TADA1: variants seen among roughly 807,000 people sequenced by gnomAD.
The protein encoded by TADA1 is transcriptional adapter 1.
Under a neutral mutation model 39.3 loss-of-function variants are expected in TADA1, and 23 were observed. The ratio of observed to expected loss-of-function variants is 0.58; its 90% CI spans 0.42 to 0.83. TADA1 has a LOEUF of 0.83. Ranked by LOEUF, TADA1 falls within the 40% of genes least tolerant of loss-of-function variation. The pLI, the probability that TADA1 is intolerant of heterozygous loss-of-function variation, is 0.00. For synonymous variants in TADA1, 137 were observed against 151.8 expected (o/e 0.90, Z 0.72); for missense variants, 352 against 408.1 (o/e 0.86, Z 1.18).
intron 3 of TADA1, among the ~76,000 whole-genome samples, chr1:166,865,610 A>G (rs745460105): frequency 4.5e-4 from 69 of 152,094 alleles, no homozygotes; most frequent in Non-Finnish European, 8.8e-4. Flanking sequence ...TCAGGAGATC[A>G]AGACCATCCT....
At chr1:166,863,993 G>T in intron 3 of TADA1, 72 bp from the exon 4 acceptor site, 1 of 1,284,326 alleles carries the variant, frequency 7.8e-7, no homozygotes, top group Non-Finnish European at 1.1e-6. Context: ...GTTTTCATTT[G>T]GGGTAAAAAG....
chr1:166,858,277 G>A lies in TADA1; in HGVS notation c.697C>T (p.Pro233Ser), dbSNP rs1658329608. Residue 233 changes from proline to serine, a missense_variant, in exon 7 of 8, where the codon CCA becomes TCA. This residue lies in a region of TADA1 where 285 missense variants were observed against 310.9 expected (regional missense o/e 0.92). Transcript: ENST00000367874. ...VAYNNLIESP[P>S]AFTAPCAGQN... Reference sequence around the variant, plus strand: ...CCAGCACAGGGAGCAGTAAAAGCTGGAGGGCTGAAAATAAAAATTTCAGAA... The same window carrying A: ...CCAGCACAGGGAGCAGTAAAAGCTGAAGGGCTGAAAATAAAAATTTCAGAA... 2 of 1,542,960 alleles carry A rather than the reference G, an allele frequency of 1.3e-6. No individual in the cohort carries two copies. The highest frequency in any genetic ancestry group is 2.8e-5 in the African/African-American group (2 of 71,204).
At chr1:166,869,727 A>C (rs1293291947) in intron 2 of TADA1, 36 bp downstream of exon 2, 2 of 1,585,108 alleles carry the variant, frequency 1.3e-6, no homozygotes, top group Non-Finnish European at 8.6e-7. Flanking sequence ...GGAAAACTAC[A>C]GAATAGTAAA....
intron 4 of TADA1, 149 bp downstream of exon 4, chr1:166,863,675 C>G: frequency 1.4e-6 from 1 of 711,224 alleles, no homozygotes; most frequent in South Asian, 1.8e-5. Context: ...CTAGAACTCA[C>G]AATCCTTGAA....
rs781638956 is a variant in TADA1 at position 166,876,215 on chromosome 1, C to A, written c.19G>T (p.Glu7Ter). 6.2e-7 allele frequency: 1 copy of A among 1,613,672 alleles called. No individual in the cohort carries two copies. The highest frequency in any genetic ancestry group is 8.5e-7 in the Non-Finnish European group (1 of 1,179,880). MATFVS[E>*]LEAAKKNLSE... ...AAGTTCTTCTTGGCCGCCTCCAGCT[C>A]GCTCACAAAGGTCGCCATTGCTCCG... The change falls in exon 1 of 8, where the codon GAG becomes TAG. Residue 7 changes from glutamate (E) to a stop codon, truncating the protein, a stop_gained. Transcript: ENST00000367874. LOFTEE classifies it high-confidence loss of function.
chr1:166,857,342 C>A lies in TADA1; in HGVS notation c.*225G>T. 2.0e-6 allele frequency: 1 copy of A among 492,558 alleles called. No individual in the cohort carries two copies. Among genetic ancestry groups the A allele is most frequent in the Non-Finnish European group, 3.5e-6 (1 of 282,324 alleles). 30.5% of individuals were successfully genotyped at this position (492,558 alleles called of 1,614,324 possible). On this transcript the variant is annotated 3_prime_UTR_variant, in exon 8 of 8. Transcript: ENST00000367874. ...TTCCAGGCACAGGATTTCATTAGTG[C>A]CTGCTCCCACAACTGGGAACACATA...
In TADA1 at chr1:166,862,211, C is replaced by G. The variant is rs780442706; in HGVS notation, c.532G>C (p.Ala178Pro). 1 of 1,613,294 alleles carries G rather than the reference C, an allele frequency of 6.2e-7. No individual in the cohort carries two copies. The highest frequency in any genetic ancestry group is 1.7e-5 in the Admixed American group (1 of 60,016). The change falls in exon 5 of 8, where the codon GCT (alanine) becomes CCT (proline). Residue 178 changes from alanine (A) to proline (P), a missense_variant. Around this residue, in one of 3 missense-constraint regions of TADA1, gnomAD observed 285 missense variants for 310.9 expected, o/e 0.92. Coordinates refer to ENST00000367874, the MANE Select transcript of TADA1 (RefSeq NM_053053.4). ...GCCAACAGCAAACCAACCTCCACAG[C>G]ATAGACAACAGCTGAAACAGCCTCC... The part of the protein sequence containing the change: ...TEEAVSAVVY[A>P]VENHLKDILT...
At chr1:166,864,315 T>G (rs995705116) in intron 3 of TADA1, among the ~76,000 whole-genome samples, 1 of 152,148 alleles carries the variant, frequency 6.6e-6, no homozygotes, top group African/African-American at 2.4e-5. Flanking sequence ...AATGGCACAC[T>G]TGCACAACAG....
At position 166,876,259 on chromosome 1, in the gene TADA1, C is replaced by G. The variant is rs764917280; in HGVS notation, c.-26G>C. 1.2e-6 allele frequency: 2 copies of G among 1,607,850 alleles called. No homozygotes were observed. Among genetic ancestry groups the G allele is most frequent in the South Asian group, 1.1e-5 (1 of 89,862 alleles). ...TGCTCCGCGTGTCTCAGCCCGACCG[C>G]AGACCGCCCGGCCACCGCGATCAAC... is the stretch of plus-strand genomic sequence containing the variant. On this transcript the variant is annotated 5_prime_UTR_variant, in exon 1 of 8. Transcript: ENST00000367874.
intron 1 of TADA1, 105 bp downstream of exon 1, chr1:166,876,055 G>A (rs1376634661): frequency 4.3e-6 from 5 of 1,165,454 alleles, no homozygotes; most frequent in Middle Eastern, 2.8e-4. Flanking sequence ...ACTCCAGGCT[G>A]CACAGGCCCC....
Position 166,858,179 on chromosome 1 carries a change from T to C in TADA1, c.795A>G (p.Gly265=). ...QQAALLLACS[G]DTLPASLPPV... ...GAGGCAAAGATGCAGGTAGAGTGTCTCCGGAGCATGCCAGCAGGAGTGCAG... is the reference window on the plus strand; with the variant it reads ...GAGGCAAAGATGCAGGTAGAGTGTCCCCGGAGCATGCCAGCAGGAGTGCAG... The change falls in exon 7 of 8, where the codon GGA becomes GGG. Residue 265 remains glycine (G), a synonymous_variant. Transcript: ENST00000367874. The C allele has an allele frequency of 6.2e-7, 1 of 1,614,106 alleles. No individual in the cohort carries two copies. The highest frequency in any genetic ancestry group is 8.5e-7 in the Non-Finnish European group (1 of 1,180,004).
chr1:166,875,818 CAA>C (rs1658752227), intron 1 of TADA1, among the ~76,000 whole-genome samples: 2 of 152,256 alleles, frequency 1.3e-5, no homozygotes, highest in Admixed American at 1.3e-4. Context: ...TCACTCCGCC[CAA>C]GTCAGCCTCC....
intron 3 of TADA1, 144 bp downstream of exon 3, chr1:166,869,301 A>G (rs1658606094): frequency 2.4e-5 from 14 of 575,696 alleles, no homozygotes; most frequent in Non-Finnish European, 4.2e-5. Context: ...ATTCTGTAAA[A>G]GAATTTGTAT....
chr1:166,869,928 TAA>T, intron 1 of TADA1, 74 bp from the exon 2 acceptor site: 1 of 1,310,648 alleles, frequency 7.6e-7, no homozygotes, highest in South Asian at 1.2e-5. Context: ...TTTGTTTTTT[TAA>T]AGAGACGGGG....
rs56383249 is a variant in TADA1 at position 166,856,572 on chromosome 1, A to G, written c.*995T>C. ...CAAAATCAAATACACAGATCCAGATATGTGAACCATATATACATATCTATA... is the reference window on the plus strand; with the variant it reads ...CAAAATCAAATACACAGATCCAGATGTGTGAACCATATATACATATCTATA... On this transcript the variant is annotated 3_prime_UTR_variant, in exon 8 of 8. Transcript: ENST00000367874. 4,295 of 147,438 alleles carry G rather than the reference A, an allele frequency of 0.029. 88 individuals are homozygous for G. Among genetic ancestry groups the G allele is most frequent in the African/African-American group, 0.044 (1,831 of 41,236 alleles). The allele number at this position is 147,438 out of a possible 1,614,324, so 9.1% of individuals were successfully genotyped here.
intron 1 of TADA1, among the ~76,000 whole-genome samples, chr1:166,872,231 G>C (rs1487407141): frequency 6.6e-6 from 1 of 152,200 alleles, no homozygotes; most frequent in African/African-American, 2.4e-5. Context: ...TTATGGGAGA[G>C]GATTCCTCAC....
chr1:166,875,360 C>G (rs1658739216), intron 1 of TADA1, among the ~76,000 whole-genome samples: 1 of 152,176 alleles, frequency 6.6e-6, no homozygotes, highest in Admixed American at 6.5e-5. Context: ...ACTAGGTCCC[C>G]TGCCATAACC....
At chr1:166,864,072 T>A in intron 3 of TADA1, 151 bp from the exon 4 acceptor site, 2 of 650,838 alleles carry the variant, frequency 3.1e-6, no homozygotes, top group Non-Finnish European at 2.5e-6. Flanking sequence ...TCTACTTCTC[T>A]AAATAAAATT....
chr1:166,876,258 G>T lies in TADA1; in HGVS notation c.-25C>A. 1.2e-6 allele frequency: 2 copies of T among 1,607,906 alleles called. No homozygotes were observed. Among genetic ancestry groups the T allele is most frequent in the Non-Finnish European group, 1.7e-6 (2 of 1,177,346 alleles). ...TTGCTCCGCGTGTCTCAGCCCGACC[G>T]CAGACCGCCCGGCCACCGCGATCAA... is the stretch of plus-strand genomic sequence containing the variant. On this transcript the variant is annotated 5_prime_UTR_variant, in exon 1 of 8. Transcript: ENST00000367874.
Sources: gnomAD v4.1 joint callset for allele counts (sites outside exome capture counted in the v4.1 genomes callset) on GRCh38, gnomAD v4.1.1 for gene constraint, gnomAD v4.1.1 regional missense constraint, MANE v1.5 for transcripts, NCBI Gene and HGNC (gene_info 2026-07-23, HGNC 2026-07-21) for gene names.